Variants in PTPRN2 observed in about 807,000 individuals in gnomAD.
The protein encoded by PTPRN2 is protein tyrosine phosphatase receptor type N2, also known as receptor-type tyrosine-protein phosphatase N2.
In PTPRN2, 74 loss-of-function variants were observed where a neutral mutation model predicts 118.8. That is an observed-to-expected ratio of 0.62 (90% confidence interval 0.52 to 0.76). PTPRN2 has a LOEUF of 0.76. Among genes scored for constraint, PTPRN2 ranks in the 30% least tolerant of loss-of-function variants. The probability of loss-of-function intolerance (pLI) is 0.00; values close to 1 mark genes in which losing one functional copy is unlikely to be tolerated. For synonymous variants in PTPRN2, 641 were observed against 608.0 expected (o/e 1.05, Z -0.80); for missense variants, 1,481 against 1,394.4 (o/e 1.06, Z -0.99).
At chr7:158,406,022 T>C (rs947110714) in intron 2 of PTPRN2, among the ~76,000 whole-genome samples, 3 of 135,938 alleles carry the variant, frequency 2.2e-5, no homozygotes, top group African/African-American at 8.6e-5. Context: ...GGCTGCACAC[T>C]GAGATCCCGG....
intron 12 of PTPRN2, among the ~76,000 whole-genome samples, chr7:157,683,978 A>G (rs1797039118): frequency 6.6e-6 from 1 of 152,106 alleles, no homozygotes; most frequent in Non-Finnish European, 1.5e-5. Flanking sequence ...TTTCCCCATG[A>G]ATGCCTGGCC....
chr7:158,142,767 C>T (rs1454799142), intron 6 of PTPRN2, among the ~76,000 whole-genome samples: 5 of 152,244 alleles, frequency 3.3e-5, no homozygotes, highest in Non-Finnish European at 7.3e-5. Flanking sequence ...AAAACCGCAG[C>T]AAAGCCTGCC....
chr7:158,334,487 C>G (rs62480925), intron 2 of PTPRN2, among the ~76,000 whole-genome samples: 2 of 71,754 alleles, frequency 2.8e-5, no homozygotes, highest in African/African-American at 4.9e-5. Flanking sequence ...CACCCACACA[C>G]GTCACTCACA....
Position 157,550,814 on chromosome 7 carries a change from C to T in PTPRN2, c.2903-1795G>A, listed in dbSNP as rs1230091868. Among the ~76,000 whole-genome samples, 5 of 152,190 alleles carry T rather than the reference C, an allele frequency of 3.3e-5. No individual in the cohort carries two copies. The highest frequency in any genetic ancestry group is 2.0e-4 in the Admixed American group (3 of 15,284). Reference sequence around the variant, plus strand: ...GCTGGCAGCTCACGCGGGTGGAAGGCGGGGTCAGGTGCACGGGTTTGCTTA... The same window carrying T: ...GCTGGCAGCTCACGCGGGTGGAAGGTGGGGTCAGGTGCACGGGTTTGCTTA... On this transcript the variant is annotated intron_variant, in intron 21 of 22. Coordinates refer to ENST00000389418, the MANE Select transcript of PTPRN2 (RefSeq NM_002847.5). This position sits in a 1 kb window ranked among gnomAD's most constrained non-coding sequence, Gnocchi z 5.2.
chr7:158,124,169 T>C lies in PTPRN2; in HGVS notation c.1556+9508A>G, dbSNP rs540914858. ...ATTCCATCATCAAATGGAAGTGGTA[T>C]GTGTCTGGGCCTAAGTAGGCCCTAA... is the stretch of plus-strand genomic sequence containing the variant. On this transcript the variant is annotated intron_variant, in intron 9 of 22. Transcript: ENST00000389418. Among the ~76,000 whole-genome samples, 142 of 152,358 alleles carry C rather than the reference T, an allele frequency of 9.3e-4. 2 individuals carry two copies. The South Asian group carries it at 0.012, about 12-fold the overall frequency.
At position 157,964,755 on chromosome 7, in the gene PTPRN2, C is replaced by T. The variant is rs983710836; in HGVS notation, c.1724-66018G>A. On this transcript the variant is annotated intron_variant, in intron 11 of 22. Coordinates refer to ENST00000389418, the MANE Select transcript of PTPRN2 (RefSeq NM_002847.5). This position sits in a 1 kb window ranked among gnomAD's most constrained non-coding sequence, Gnocchi z 9.0. ...GGGTGCTCTGATTCCCTTCCTCAAG[C>T]TTCCCACTTGAAGGTTGGTGTGAAA... is the stretch of plus-strand genomic sequence containing the variant. 6.6e-6 allele frequency among the ~76,000 whole-genome samples: 1 copy of T among 152,194 alleles called. No homozygotes were observed. Among genetic ancestry groups the T allele is most frequent in the Non-Finnish European group, 1.5e-5 (1 of 68,032 alleles).
Position 157,785,883 on chromosome 7 carries a change from T to G in PTPRN2, c.1789-102946A>C, listed in dbSNP as rs759677922. Among the ~76,000 whole-genome samples the G allele has an allele frequency of 2.6e-5, 4 of 151,874 alleles. No homozygotes were observed. Among genetic ancestry groups the G allele is most frequent in the Non-Finnish European group, 5.9e-5 (4 of 67,930 alleles). On this transcript the variant is annotated intron_variant, in intron 12 of 22. Transcript: ENST00000389418. The surrounding 1 kb of genome is among the most constrained non-coding windows in gnomAD (Gnocchi z 7.3). ...TTTTCCTGGAGTTCATAATCACTGG[T>G]TTTTTTTGTGTGCGTGTTCACCAGC...
chr7:158,040,486 G>A (rs529339980), intron 11 of PTPRN2, among the ~76,000 whole-genome samples: 203 of 152,236 alleles, frequency 1.3e-3, no homozygotes, highest in Admixed American at 2.7e-3. Context: ...TTTGGACAAA[G>A]CCAGAGAGGG....
At chr7:157,811,674 G>A (rs996368742) in intron 12 of PTPRN2, among the ~76,000 whole-genome samples, 5 of 152,064 alleles carry the variant, frequency 3.3e-5, no homozygotes, top group African/African-American at 7.3e-5. Context: ...ATGAGCACTC[G>A]GCTTATGGGA....
In PTPRN2 at chr7:158,217,632, T is replaced by C. The variant is rs993733920; in HGVS notation, c.278-12359A>G. Among the ~76,000 whole-genome samples the C allele has an allele frequency of 2.0e-5, 3 of 152,042 alleles. No homozygotes were observed. The East Asian group carries it at 5.8e-4, about 29-fold the overall frequency. ...ACTGAAATGACTGAAATGACAGACA[T>C]AGGATTCAGAGTCTAGATGGCAAGG... On this transcript the variant is annotated intron_variant, in intron 3 of 22. Coordinates refer to ENST00000389418, the MANE Select transcript of PTPRN2 (RefSeq NM_002847.5).
In PTPRN2 at chr7:157,801,243, A is replaced by G. The variant is rs1056950764; in HGVS notation, c.1788+97430T>C. 1.3e-5 allele frequency among the ~76,000 whole-genome samples: 2 copies of G among 152,244 alleles called. No homozygotes were observed. The highest frequency in any genetic ancestry group is 4.2e-4 in the South Asian group (2 of 4,818). ...CAGACCAGAAACTGAACCGACGCTG[A>G]AAGTATCAGGCCTTCCGCTTAGCGC... On this transcript the variant is annotated intron_variant, in intron 12 of 22. Transcript: ENST00000389418. The surrounding 1 kb of genome is among the most constrained non-coding windows in gnomAD (Gnocchi z 4.2).
rs756681395 is a variant in PTPRN2 at position 158,275,680 on chromosome 7, C to T, written c.277+41139G>A. Among the ~76,000 whole-genome samples the T allele has an allele frequency of 2.6e-5, 4 of 152,316 alleles. No homozygotes were observed. In the East Asian group the frequency reaches 5.8e-4, roughly 22 times the overall value. On this transcript the variant is annotated intron_variant, in intron 3 of 22. Transcript: ENST00000389418. Reference sequence around the variant, plus strand: ...GTAATTTTTGTTCTTTGGTGAGAATCGAGGTACTACGTTATGTGGGGTGGG... The same window carrying T: ...GTAATTTTTGTTCTTTGGTGAGAATTGAGGTACTACGTTATGTGGGGTGGG...
chr7:157,883,041 T>G (rs1584945519), intron 12 of PTPRN2, among the ~76,000 whole-genome samples: 1 of 144,710 alleles, frequency 6.9e-6, no homozygotes, highest in East Asian at 2.1e-4. Flanking sequence ...AAATGACTGT[T>G]GGAGATCAAA....
intron 2 of PTPRN2, among the ~76,000 whole-genome samples, chr7:158,370,677 A>G (rs958600638): frequency 2.0e-5 from 3 of 147,214 alleles, no homozygotes; most frequent in Admixed American, 6.8e-5. Flanking sequence ...CCATAAACCC[A>G]GGAGGCGGAG....
intron 3 of PTPRN2, among the ~76,000 whole-genome samples, chr7:158,206,646 ATTC>A (rs2150750512): frequency 6.6e-6 from 1 of 152,202 alleles, no homozygotes; most frequent in Non-Finnish European, 1.5e-5. Flanking sequence ...AATCCACAAA[ATTC>A]TTCTAGATTG....
At chr7:158,283,787 C>A (rs1161637334) in intron 3 of PTPRN2, among the ~76,000 whole-genome samples, 1 of 152,088 alleles carries the variant, frequency 6.6e-6, no homozygotes, top group Non-Finnish European at 1.5e-5. Context: ...ACCAGCCCCT[C>A]CCTAATGGCC....
chr7:158,587,663 G>T lies in PTPRN2; in HGVS notation c.7C>A (p.Pro3Thr), dbSNP rs1457548407. ...AGCAGCAGCAGCAGCGGGAGCGGCG[G>T]CCCCATCCCCGCGGCCTGGCCGGCG... MG[P>T]PLPLLLLLLL... Residue 3 changes from proline (P) to threonine (T), a missense_variant, in exon 1 of 23, where the codon CCG becomes ACG. Pro to Thr is a conservative substitution (Grantham distance 38, BLOSUM62 -1). Transcript: ENST00000389418. 2.2e-6 allele frequency: 3 copies of T among 1,343,568 alleles called. No individual in the cohort carries two copies. The highest frequency in any genetic ancestry group is 2.9e-6 in the Non-Finnish European group (3 of 1,050,200). 83.2% of individuals were successfully genotyped at this position (1,343,568 alleles called of 1,614,324 possible). A position where few individuals can be genotyped will look rare whatever the true frequency, so the allele number is the denominator to read the frequency against.
At chr7:158,498,538 G>A (rs944323582) in intron 1 of PTPRN2, among the ~76,000 whole-genome samples, 3 of 106,332 alleles carry the variant, frequency 2.8e-5, no homozygotes, top group Non-Finnish European at 4.5e-5. Context: ...TAAATGGCAC[G>A]TGGTTTTAAT....
chr7:158,313,377 A>T (rs73746479), intron 3 of PTPRN2, among the ~76,000 whole-genome samples: 12 of 152,196 alleles, frequency 7.9e-5, no homozygotes, highest in South Asian at 2.1e-4. Flanking sequence ...TGTCCCCACA[A>T]TGCAGAAGAT....
Sources: gnomAD v4.1 joint callset for allele counts (sites outside exome capture counted in the v4.1 genomes callset) on GRCh38, gnomAD v4.1.1 for gene constraint, Gnocchi (gnomAD v3.1) non-coding constraint, MANE v1.5 for transcripts, NCBI Gene and HGNC (gene_info 2026-07-23, HGNC 2026-07-21) for gene names.